The following ST6GAL1 variants were observed in gnomAD, a reference collection of about 807,000 sequenced individuals.
ST6GAL1 encodes beta-galactoside alpha-2,6-sialyltransferase 1.
Under a neutral mutation model 38.0 loss-of-function variants are expected in ST6GAL1, and 20 were observed. The ratio of observed to expected loss-of-function variants is 0.53; its 90% confidence interval spans 0.37 to 0.77. ST6GAL1 has a LOEUF of 0.77. Ranked by LOEUF, ST6GAL1 falls within the 30% of genes least tolerant of loss-of-function variation. The pLI is 0.00. For missense variants in ST6GAL1, 432 were observed against 496.4 expected (o/e 0.87, Z 1.23); for synonymous variants, 196 against 188.2 (o/e 1.04, Z -0.34).
chr3:187,071,931 T>G (rs992148648), intron 5 of ST6GAL1: 2 of 152,206 alleles, frequency 1.3e-5, no homozygotes, highest in African/African-American at 4.8e-5. Flanking sequence ...TTTTCTTTAT[T>G]TTGATAAATA....
rs1184698027 is a variant in ST6GAL1, at chr3:187,051,218, C to A, written c.608-31C>A. 6 of 1,594,256 alleles carry A rather than the reference C, an allele frequency of 3.8e-6. No individual in the cohort carries two copies. The African/African-American group carries it at 5.4e-5, about 14-fold the overall frequency. ...TTTTCTGCATATTGCCAGTGCTCATCACCTCTTTTCTGTTTCTTTGTGGTT... is the reference window on the plus strand; with the variant it reads ...TTTTCTGCATATTGCCAGTGCTCATAACCTCTTTTCTGTTTCTTTGTGGTT... On this transcript the variant is annotated intron_variant, in intron 4 of 7. Coordinates refer to ENST00000169298, the MANE Select transcript of ST6GAL1 (RefSeq NM_173216.2).
chr3:187,049,622 G>GT (rs1560176256), intron 4 of ST6GAL1, among the ~76,000 whole-genome samples: 1 of 152,240 alleles, frequency 6.6e-6, no homozygotes, highest in Non-Finnish European at 1.5e-5. Context: ...ACACCCTGCA[G>GT]TCATCAACCC....
chr3:186,966,369 G>A (rs1254250790), intron 2 of ST6GAL1, among the ~76,000 whole-genome samples: 1 of 152,190 alleles, frequency 6.6e-6, no homozygotes, highest in Admixed American at 6.5e-5. Context: ...CCCATGTCAC[G>A]GATGTGGAAA....
At chr3:186,934,247 G>C (rs935268102) in intron 1 of ST6GAL1, among the ~76,000 whole-genome samples, 2 of 152,136 alleles carry the variant, frequency 1.3e-5, no homozygotes, top group Non-Finnish European at 2.9e-5. Flanking sequence ...TTTAAAACCA[G>C]CAGGCTGGGC....
intron 2 of ST6GAL1, among the ~76,000 whole-genome samples, chr3:186,977,395 C>T (rs963950581): frequency 6.6e-6 from 1 of 152,222 alleles, no homozygotes; most frequent in African/African-American, 2.4e-5. Flanking sequence ...AATTTGGACT[C>T]AGTGTTTTCA....
chr3:186,937,932 G>A (rs1368162252), intron 1 of ST6GAL1, among the ~76,000 whole-genome samples: 4 of 152,132 alleles, frequency 2.6e-5, no homozygotes, highest in Non-Finnish European at 5.9e-5. Flanking sequence ...AAAACAGCCA[G>A]GCGTGGTGGC....
At chr3:187,046,674 A>G (rs564415723) in intron 4 of ST6GAL1, among the ~76,000 whole-genome samples, 2 of 152,316 alleles carry the variant, frequency 1.3e-5, no homozygotes. Flanking sequence ...GGTGGGACAT[A>G]TTCTTGGGCA....
intron 1 of ST6GAL1, among the ~76,000 whole-genome samples, chr3:186,934,185 A>G (rs1713857748): frequency 6.6e-6 from 1 of 152,180 alleles, no homozygotes; most frequent in Admixed American, 6.5e-5. Context: ...GGAGCGGAAG[A>G]TGCTCAGGCC....
chr3:187,042,442 G>A (rs1237385488), intron 3 of ST6GAL1, among the ~76,000 whole-genome samples: 5 of 152,128 alleles, frequency 3.3e-5, no homozygotes, highest in African/African-American at 1.2e-4. Context: ...GAGTGGAAGA[G>A]GAAGAGGGAC....
intron 1 of ST6GAL1, among the ~76,000 whole-genome samples, chr3:186,941,040 C>G (rs1409284238): frequency 6.6e-6 from 1 of 152,114 alleles, no homozygotes; most frequent in Non-Finnish European, 1.5e-5. Flanking sequence ...AATTGAAGGG[C>G]TCTCAGGAAG....
intron 5 of ST6GAL1, among the ~76,000 whole-genome samples, chr3:187,064,016 G>A (rs954973437): frequency 2.0e-5 from 3 of 152,118 alleles, no homozygotes; most frequent in African/African-American, 7.2e-5. Flanking sequence ...ACTGAAACCT[G>A]AATGTCTGCC....
At chr3:186,954,911 G>C (rs1219648168) in intron 1 of ST6GAL1, among the ~76,000 whole-genome samples, 1 of 152,170 alleles carries the variant, frequency 6.6e-6, no homozygotes, top group Non-Finnish European at 1.5e-5. Flanking sequence ...TGCCTGTGCT[G>C]ATGTCCTGAA....
At chr3:187,009,237 A>T (rs1716879742) in intron 2 of ST6GAL1, among the ~76,000 whole-genome samples, 1 of 152,136 alleles carries the variant, frequency 6.6e-6, no homozygotes, top group South Asian at 2.1e-4. Flanking sequence ...AATTAAAAAA[A>T]CTTTTAAGTT....
chr3:186,970,129 A>G (rs1255137453), intron 2 of ST6GAL1, among the ~76,000 whole-genome samples: 3 of 151,994 alleles, frequency 2.0e-5, no homozygotes, highest in Admixed American at 1.3e-4. Flanking sequence ...ACATGTGTAT[A>G]GTTTGTGTCA....
At chr3:186,980,269 G>T (rs1387277459) in intron 2 of ST6GAL1, among the ~76,000 whole-genome samples, 1 of 152,086 alleles carries the variant, frequency 6.6e-6, no homozygotes, top group African/African-American at 2.4e-5. Context: ...GGATGCAGCG[G>T]GCACCCTGGA....
At chr3:186,935,692 A>G (rs1030010980) in intron 1 of ST6GAL1, among the ~76,000 whole-genome samples, 1 of 152,146 alleles carries the variant, frequency 6.6e-6, no homozygotes, top group African/African-American at 2.4e-5. Flanking sequence ...GATAATATCC[A>G]TTCTGACTGG....
At chr3:186,936,832 C>T (rs1340502041) in intron 1 of ST6GAL1, among the ~76,000 whole-genome samples, 3 of 149,324 alleles carry the variant, frequency 2.0e-5, no homozygotes, top group Non-Finnish European at 4.4e-5. Flanking sequence ...ATCTTAGCTA[C>T]TTTGGAGGCT....
In ST6GAL1 at chr3:186,983,710, TAAAA is replaced by T. The variant is rs532741911; in HGVS notation, c.-183+19785_-183+19788del. ...GAATTGCCTCATTTTTTCCTCATAATAAAAGAAGTAGGCACTTTTGGGGATACAG... is the reference window on the plus strand; with the variant it reads ...GAATTGCCTCATTTTTTCCTCATAATGAAGTAGGCACTTTTGGGGATACAG... On this transcript the variant is annotated intron_variant, in intron 2 of 7. Transcript: ENST00000169298. Among the ~76,000 whole-genome samples, 22 of 152,300 alleles carry T rather than the reference TAAAA, an allele frequency of 1.4e-4. No individual in the cohort carries two copies. In the South Asian group the frequency reaches 4.1e-3, roughly 29 times the overall value.
At chr3:186,972,330 C>T (rs1430330567) in intron 2 of ST6GAL1, among the ~76,000 whole-genome samples, 1 of 151,856 alleles carries the variant, frequency 6.6e-6, no homozygotes, top group Non-Finnish European at 1.5e-5. Flanking sequence ...CTCACTGCAA[C>T]CTCCACCTCC....
Sources: gnomAD v4.1 joint callset for allele counts (sites outside exome capture counted in the v4.1 genomes callset) on GRCh38, gnomAD v4.1.1 for gene constraint, MANE v1.5 for transcripts, NCBI Gene and HGNC (gene_info 2026-07-23, HGNC 2026-07-21) for gene names.